CSNK1G1: variants seen among roughly 807,000 people sequenced by gnomAD.
CSNK1G1 encodes the protein casein kinase 1 gamma 1, also known as casein kinase I isoform gamma-1.
CSNK1G1 carries 22 observed loss-of-function variants against 59.6 expected under a neutral mutation model. That is an observed-to-expected ratio of 0.37 (90% CI 0.26 to 0.53). The LOEUF (loss-of-function observed/expected upper bound fraction) is 0.53, where lower values mean the gene tolerates loss of function less well. Among genes scored for constraint, CSNK1G1 ranks in the 20% least tolerant of loss-of-function variants. The pLI is 0.89. For synonymous variants in CSNK1G1, 179 were observed against 177.1 expected, an observed-to-expected ratio of 1.01 and a Z score of -0.08; for missense variants, 384 against 519.5, an observed-to-expected ratio of 0.74 and a Z score of 2.54.
chr15:64,238,518 A>AAAAAATATATAT (rs1555396879), intron 4 of CSNK1G1, among the ~76,000 whole-genome samples: 10 of 49,240 alleles, frequency 2.0e-4, no homozygotes, highest in African/African-American at 1.2e-3. Flanking sequence ...AAAAAAAAAA[A>AAAAAATATATAT]ATATATATAT....
intron 4 of CSNK1G1, among the ~76,000 whole-genome samples, chr15:64,238,518 AATATATATATAT>A (rs1212005568): frequency 1.6e-4 from 8 of 49,250 alleles, no homozygotes; most frequent in African/African-American, 9.4e-4. Context: ...AAAAAAAAAA[AATATATATATAT>A]ATATATATAT....
At position 64,300,736 on chromosome 15, in the gene CSNK1G1, C is replaced by T. The variant is rs945569514; in HGVS notation, c.-224-13G>A. The T allele has an allele frequency of 4.0e-5, 49 of 1,231,782 alleles. No homozygotes were observed. The highest frequency in any genetic ancestry group is 4.9e-5 in the Non-Finnish European group (48 of 985,500). The allele number at this position is 1,231,782 out of a possible 1,614,324, so 76.3% of individuals were successfully genotyped here. A position where few individuals can be genotyped will look rare whatever the true frequency, so the allele number is the denominator to read the frequency against. On this transcript the variant is annotated splice_polypyrimidine_tract_variant and intron_variant, in intron 1 of 11. Coordinates refer to ENST00000303052, the MANE Select transcript of CSNK1G1 (RefSeq NM_022048.5). ...AACATCTTGTAACCTAGGTAAAAAT[C>T]AAGAAAACATGTAGTTAAAAATTAA...
intron 3 of CSNK1G1, among the ~76,000 whole-genome samples, chr15:64,257,320 C>T (rs1257472757): frequency 1.3e-5 from 2 of 151,870 alleles, no homozygotes; most frequent in Non-Finnish European, 2.9e-5. Flanking sequence ...AAGAACTGTC[C>T]CTAACAGAAA....
chr15:64,184,305 A>T (rs1269572703), intron 10 of CSNK1G1, among the ~76,000 whole-genome samples: 2 of 151,848 alleles, frequency 1.3e-5, no homozygotes, highest in East Asian at 1.9e-4. Flanking sequence ...TTCGTCTCAA[A>T]AAATAAATAA....
chr15:64,262,051 C>T lies in CSNK1G1; in HGVS notation c.182-2810G>A, dbSNP rs1010774824. 2.0e-5 allele frequency among the ~76,000 whole-genome samples: 3 copies of T among 152,004 alleles called. No homozygotes were observed. In the East Asian group the frequency reaches 5.8e-4, roughly 29 times the overall value. ...AGTTTAAAATGAAAGGTTTTATGAC[C>T]TGATAAGATCTGTGATTTTGCATGA... On this transcript the variant is annotated intron_variant, in intron 2 of 11. Coordinates refer to ENST00000303052, the MANE Select transcript of CSNK1G1 (RefSeq NM_022048.5).
chr15:64,303,279 A>T (rs1895465445), intron 1 of CSNK1G1, among the ~76,000 whole-genome samples: 1 of 115,772 alleles, frequency 8.6e-6, no homozygotes, highest in Non-Finnish European at 1.8e-5. Flanking sequence ...AATTAAATTT[A>T]AAAATATTAA....
At chr15:64,250,488 A>G (rs886578040) in intron 4 of CSNK1G1, among the ~76,000 whole-genome samples, 1 of 152,186 alleles carries the variant, frequency 6.6e-6, no homozygotes, top group African/African-American at 2.4e-5. Flanking sequence ...CATGCCTGTA[A>G]TCCCAGCATT....
chr15:64,290,697 C>A (rs1448042448), intron 2 of CSNK1G1, among the ~76,000 whole-genome samples: 5 of 152,144 alleles, frequency 3.3e-5, no homozygotes, highest in Admixed American at 1.3e-4. Flanking sequence ...CACATAACAA[C>A]AAAAAAATTA....
At chr15:64,296,929 TATC>T (rs1445594618) in intron 2 of CSNK1G1, among the ~76,000 whole-genome samples, 3 of 146,906 alleles carry the variant, frequency 2.0e-5, no homozygotes, top group Non-Finnish European at 4.5e-5. Flanking sequence ...CAAAATGCAC[TATC>T]GTTACTTTTT....
rs535781348 is a variant in CSNK1G1, at chr15:64,259,090, A to C, written c.222+111T>G. On this transcript the variant is annotated intron_variant, in intron 3 of 11. Coordinates refer to ENST00000303052, the MANE Select transcript of CSNK1G1 (RefSeq NM_022048.5). Reference sequence around the variant, plus strand: ...AAATGTGGGATCATACACAAAAAAAACCCCAAACCATTAGCAGTTTTGCGA... The same window carrying C: ...AAATGTGGGATCATACACAAAAAAACCCCCAAACCATTAGCAGTTTTGCGA... The C allele has an allele frequency of 5.4e-4, 451 of 840,752 alleles. 7 individuals carry two copies. The South Asian group carries it at 6.8e-3, about 13-fold the overall frequency. The allele number at this position is 840,752 out of a possible 1,614,324, so 52.1% of individuals were successfully genotyped here.
At chr15:64,232,142 T>TA (rs1229925652) in intron 4 of CSNK1G1, among the ~76,000 whole-genome samples, 1 of 152,202 alleles carries the variant, frequency 6.6e-6, no homozygotes, top group East Asian at 1.9e-4. Flanking sequence ...AAAAGTGTGT[T>TA]AGACTGCTGA....
Position 64,172,372 on chromosome 15 carries a change from T to C in CSNK1G1, c.1215-387A>G, listed in dbSNP as rs2081682877. 3.9e-5 allele frequency among the ~76,000 whole-genome samples: 6 copies of C among 152,254 alleles called. No individual in the cohort carries two copies. The South Asian group carries it at 1.2e-3, about 32-fold the overall frequency. On this transcript the variant is annotated intron_variant, in intron 11 of 11. Transcript: ENST00000303052. ...ATAGTCTACATTGTCTACTCCTTGA[T>C]ACTGAGGGCACAATTATTTAATTCA...
chr15:64,302,957 T>C (rs1022035393), intron 1 of CSNK1G1, among the ~76,000 whole-genome samples: 1 of 152,232 alleles, frequency 6.6e-6, no homozygotes, highest in African/African-American at 2.4e-5. Flanking sequence ...CACTAATTTC[T>C]TCCATTGCAC....
In CSNK1G1 at chr15:64,188,673, G is replaced by A. The variant is rs1276547896; in HGVS notation, c.1108-8219C>T. Among the ~76,000 whole-genome samples the A allele has an allele frequency of 6.6e-6, 1 of 152,160 alleles. No homozygotes were observed. Among genetic ancestry groups the A allele is most frequent in the Admixed American group, 6.5e-5 (1 of 15,270 alleles). On this transcript the variant is annotated intron_variant, in intron 10 of 11. Coordinates refer to ENST00000303052, the MANE Select transcript of CSNK1G1 (RefSeq NM_022048.5). This position sits in a 1 kb window ranked among gnomAD's most constrained non-coding sequence, Gnocchi z 4.2. Reference sequence around the variant, plus strand: ...TCTACATTCATTTTAGCCTTAATGAGTCAATACATGAATCTATATCACACC... The same window carrying A: ...TCTACATTCATTTTAGCCTTAATGAATCAATACATGAATCTATATCACACC...
At chr15:64,203,594 T>C (rs1471769427) in intron 9 of CSNK1G1, among the ~76,000 whole-genome samples, 1 of 148,838 alleles carries the variant, frequency 6.7e-6, no homozygotes, top group Non-Finnish European at 1.5e-5. Context: ...CTACTCGGGA[T>C]GCTGAGGCAG....
intron 1 of CSNK1G1, among the ~76,000 whole-genome samples, chr15:64,346,360 G>A (rs72758907): frequency 0.044 from 6,637 of 149,424 alleles, 194 homozygotes; most frequent in South Asian, 0.086. Flanking sequence ...ACTACAAAAC[G>A]ATAAAAAATT....
At chr15:64,259,874 C>T (rs565510983) in intron 2 of CSNK1G1, among the ~76,000 whole-genome samples, 2 of 152,346 alleles carry the variant, frequency 1.3e-5, no homozygotes, top group Non-Finnish European at 2.9e-5. Context: ...AACACTTACA[C>T]ATCTCAAAGT....
At chr15:64,213,834 GA>G (rs2082277959) in intron 6 of CSNK1G1, 55 bp downstream of exon 6, 2 of 1,206,194 alleles carry the variant, frequency 1.7e-6, no homozygotes, top group Admixed American at 3.6e-5. Flanking sequence ...TAATGTTACA[GA>G]AATAATAAAC....
intron 1 of CSNK1G1, among the ~76,000 whole-genome samples, chr15:64,316,250 AT>A (rs1896257838): frequency 6.6e-6 from 1 of 152,118 alleles, no homozygotes; most frequent in Non-Finnish European, 1.5e-5. Context: ...GAAAAAGTTA[AT>A]GCAGGTTGGG....
Sources: gnomAD v4.1 joint callset for allele counts (sites outside exome capture counted in the v4.1 genomes callset) on GRCh38, gnomAD v4.1.1 for gene constraint, Gnocchi (gnomAD v3.1) non-coding constraint, MANE v1.5 for transcripts, NCBI Gene and HGNC (gene_info 2026-07-23, HGNC 2026-07-21) for gene names.